The following CUX1 variants were observed in gnomAD, a reference collection of about 807,000 sequenced individuals.
CUX1 encodes cut like homeobox 1, also known as protein CASP.
In CUX1, 31 loss-of-function variants were observed where a neutral mutation model predicts 158.8. The ratio of observed to expected loss-of-function variants is 0.20; its 90% confidence interval spans 0.15 to 0.26. CUX1 has a LOEUF of 0.26. Ranked by LOEUF, CUX1 falls within the 10% of genes least tolerant of loss-of-function variation. The pLI, the probability that CUX1 is intolerant of heterozygous loss-of-function variation, is 1.00. For synonymous variants in CUX1, 879 were observed against 862.1 expected (o/e 1.02, Z -0.34); for missense variants, 1,589 against 2,014.6 (o/e 0.79, Z 4.04).
Position 102,242,512 on chromosome 7 carries a change from C to T in CUX1, c.3887+2928C>T, listed in dbSNP as rs544219477. 8.1e-4 allele frequency among the ~76,000 whole-genome samples: 123 copies of T among 152,226 alleles called. 4 individuals carry two copies. The South Asian group carries it at 0.025, about 31-fold the overall frequency. ...AGGCGTGAGCCACCACGCCTAGATG[C>T]CATCTCTACTTTCTAGCCACAGAGA... On this transcript the variant is annotated intron_variant, in intron 23 of 23. Transcript: ENST00000292535.
At chr7:102,154,226 A>AAGATAT (rs1223723190) in intron 8 of CUX1, 1 of 152,214 alleles carries the variant, frequency 6.6e-6, no homozygotes. Context: ...AGTAACTAAA[A>AAGATAT]AGATATAGAT....
At chr7:102,138,540 CT>C (rs1403304196) in intron 8 of CUX1, among the ~76,000 whole-genome samples, 1 of 152,156 alleles carries the variant, frequency 6.6e-6, no homozygotes, top group Admixed American at 6.5e-5. Context: ...CTTCTGAAAC[CT>C]TTTCAAAACT....
chr7:101,875,760 C>CT (rs1477046345), intron 1 of CUX1, among the ~76,000 whole-genome samples: 1 of 152,094 alleles, frequency 6.6e-6, no homozygotes, highest in Non-Finnish European at 1.5e-5. Flanking sequence ...TTAGAGATTT[C>CT]TTTCATCCTC....
chr7:101,892,947 T>G (rs1801046575), intron 1 of CUX1, among the ~76,000 whole-genome samples: 1 of 152,120 alleles, frequency 6.6e-6, no homozygotes, highest in African/African-American at 2.4e-5. Context: ...ATTGCAGGCC[T>G]GAACGTGGGC....
intron 22 of CUX1, among the ~76,000 whole-genome samples, chr7:102,237,290 T>C (rs1460669324): frequency 6.6e-6 from 1 of 152,088 alleles, no homozygotes; most frequent in African/African-American, 2.4e-5. Flanking sequence ...AGTGATGCAA[T>C]CATAGCTCAC....
intron 1 of CUX1, among the ~76,000 whole-genome samples, chr7:101,897,234 G>C (rs1801614849): frequency 1.3e-5 from 2 of 152,222 alleles, no homozygotes; most frequent in South Asian, 4.1e-4. Flanking sequence ...TTTGCTATTA[G>C]ACATCTTGTG....
At chr7:102,224,167 G>C (rs1223807614) in intron 20 of CUX1, among the ~76,000 whole-genome samples, 1 of 152,144 alleles carries the variant, frequency 6.6e-6, no homozygotes, top group African/African-American at 2.4e-5. Flanking sequence ...CTATCTCCCA[G>C]GAAGAGCATG....
intron 14 of CUX1, among the ~76,000 whole-genome samples, chr7:102,271,240 G>A (rs1435660783): frequency 6.6e-6 from 1 of 152,194 alleles, no homozygotes; most frequent in Non-Finnish European, 1.5e-5. Context: ...GAGCCTTGTT[G>A]GAGCTTAACG....
Position 101,836,742 on chromosome 7 carries a change from A to C in CUX1, c.30+19073A>C, listed in dbSNP as rs115895008. 7.6e-3 allele frequency among the ~76,000 whole-genome samples: 1,146 copies of C among 150,638 alleles called. 9 individuals are homozygous for C. The highest frequency in any genetic ancestry group is 0.026 in the African/African-American group (1,063 of 40,974). On this transcript the variant is annotated intron_variant, in intron 1 of 23. Transcript: ENST00000292535. The stretch of plus-strand genomic sequence containing the variant: ...TGTTCCTTCCCCACGGCCAGTGGGC[A>C]TTACACTTTGTTTTGGCTGGAGAAA...
At chr7:101,824,196 T>C (rs1792997321) in intron 1 of CUX1, among the ~76,000 whole-genome samples, 2 of 152,210 alleles carry the variant, frequency 1.3e-5, no homozygotes, top group African/African-American at 4.8e-5. Context: ...CAAGTGATTC[T>C]CGTGCCTCAG....
intron 8 of CUX1, among the ~76,000 whole-genome samples, chr7:102,133,507 G>C (rs1258126919): frequency 4.8e-5 from 5 of 104,558 alleles, no homozygotes; most frequent in African/African-American, 7.8e-5. Context: ...ATGGAGTCTT[G>C]CCCTGTCACC....
chr7:101,902,895 G>A (rs1802311696), intron 1 of CUX1, among the ~76,000 whole-genome samples: 1 of 152,138 alleles, frequency 6.6e-6, no homozygotes, highest in Non-Finnish European at 1.5e-5. Flanking sequence ...CTACAGTTGT[G>A]CACCACCACA....
At chr7:101,965,737 T>C (rs936623470) in intron 2 of CUX1, among the ~76,000 whole-genome samples, 1 of 149,498 alleles carries the variant, frequency 6.7e-6, no homozygotes, top group African/African-American at 2.5e-5. Context: ...TAGTCCCAGC[T>C]ACTCGGGAGG....
chr7:102,203,488 G>A (rs2132055277), intron 18 of CUX1, among the ~76,000 whole-genome samples: 1 of 152,318 alleles, frequency 6.6e-6, no homozygotes, highest in African/African-American at 2.4e-5. Context: ...AAGGTGAAGG[G>A]GGGCGACTAG....
chr7:102,274,611 G>A (rs1199349023), intron 16 of CUX1, among the ~76,000 whole-genome samples: 1 of 152,170 alleles, frequency 6.6e-6, no homozygotes, highest in Non-Finnish European at 1.5e-5. Flanking sequence ...CCGAGACCCT[G>A]TCTCTAAAAA....
chr7:102,187,498 G>C (rs1431239481), intron 11 of CUX1, among the ~76,000 whole-genome samples: 1 of 152,104 alleles, frequency 6.6e-6, no homozygotes, highest in Non-Finnish European at 1.5e-5. Flanking sequence ...GGTCAGAAGT[G>C]ACAGACTCGA....
chr7:102,163,164 G>A (rs187991564), intron 9 of CUX1, among the ~76,000 whole-genome samples: 13 of 152,246 alleles, frequency 8.5e-5, no homozygotes, highest in Middle Eastern at 3.4e-3. Context: ...AGAAGGGGAC[G>A]TTGCCCTGGG....
Position 102,255,769 on chromosome 7 carries a change from T to C in CUX1, c.*6727T>C. On this transcript the variant is annotated 3_prime_UTR_variant, in exon 24 of 24. Coordinates refer to ENST00000292535, the MANE Select transcript of CUX1 (RefSeq NM_181552.4). Reference sequence around the variant, plus strand: ...GACCATTCAGCAAGACACATTGAAGTGGCACGGAGCTGCTTTTGTTTTATA... The same window carrying C: ...GACCATTCAGCAAGACACATTGAAGCGGCACGGAGCTGCTTTTGTTTTATA... 1.1e-5 allele frequency: 11 copies of C among 985,462 alleles called. No homozygotes were observed. The highest frequency in any genetic ancestry group is 6.1e-5 in the Admixed American group (1 of 16,288). 61.0% of individuals were successfully genotyped at this position (985,462 alleles called of 1,614,324 possible).
intron 12 of CUX1, among the ~76,000 whole-genome samples, chr7:102,192,632 C>T (rs1794400464): frequency 6.6e-6 from 1 of 152,124 alleles, no homozygotes; most frequent in Admixed American, 6.6e-5. Context: ...TGGCCAAAAC[C>T]GTCTCTACTA....
Sources: gnomAD v4.1 joint callset for allele counts (sites outside exome capture counted in the v4.1 genomes callset) on GRCh38, gnomAD v4.1.1 for gene constraint, MANE v1.5 for transcripts, NCBI Gene and HGNC (gene_info 2026-07-23, HGNC 2026-07-21) for gene names.